PRELID2: variants seen among roughly 807,000 people sequenced by gnomAD.
PRELID2 encodes PRELI domain-containing protein 2.
Under a neutral mutation model 28.4 loss-of-function variants are expected in PRELID2, and 25 were observed. That is an observed-to-expected ratio of 0.88 (90% confidence interval 0.64 to 1.23). PRELID2 has a LOEUF of 1.23. Among genes scored for constraint, PRELID2 ranks in the 50% most tolerant of loss-of-function variants. PRELID2 has a pLI of 0.00. For synonymous variants in PRELID2, 76 were observed against 71.6 expected (o/e 1.06, Z -0.31); for missense variants, 201 against 214.4 (o/e 0.94, Z 0.39).
rs1471788872 is a variant in PRELID2 at position 145,821,152 on chromosome 5, G to GGGGTGTGTGTGTGTGT, written c.134-1135_134-1134insACACACACACACACCC. Among the ~76,000 whole-genome samples, 185 of 88,268 alleles carry GGGGTGTGTGTGTGTGT rather than the reference G, an allele frequency of 2.1e-3. 4 individuals are homozygous for GGGGTGTGTGTGTGTGT. The highest frequency in any genetic ancestry group is 6.5e-3 in the African/African-American group (163 of 25,034). The allele number at this position is 88,268 out of a possible 152,430, so 57.9% of individuals were successfully genotyped here. ...ACCTGATGGTCATCCAACTCTCCTG[G>GGGGTGTGTGTGTGTGT]GTGTGTGTGTGTGTGTGTGTGTGTG... On this transcript the variant is annotated intron_variant, in intron 2 of 6. Transcript: ENST00000683046.
At chr5:145,413,737 C>A in the PRELID2 span, among the ~76,000 whole-genome samples, 1 of 151,966 alleles carries the variant, frequency 6.6e-6, no homozygotes, top group African/African-American at 2.4e-5. Context: ...CACTATTCTA[C>A]TCTCTTCTTC....
chr5:145,740,287 TATATATA>T lies in PRELID2; in HGVS notation n.70+24637_70+24643del, dbSNP rs1390362670. Among the ~76,000 whole-genome samples the T allele has an allele frequency of 3.7e-4, 29 of 78,062 alleles. 4 individuals carry two copies. Among genetic ancestry groups the T allele is most frequent in the Admixed American group, 3.5e-3 (29 of 8,390 alleles). 51.2% of individuals were successfully genotyped at this position (78,062 alleles called of 152,430 possible). On this transcript the variant is annotated intron_variant and non_coding_transcript_variant, in intron 1 of 2. Coordinates refer to the PRELID2 transcript ENST00000510259. Reference sequence around the variant, plus strand: ...TCAAATATATATATATATATATATATATATATATATATATATATATATATATATATAT... The same window carrying T: ...TCAAATATATATATATATATATATATTATATATATATATATATATATATAT...
intron 1 of PRELID2, chr5:145,826,314 A>G (rs10477287): frequency 0.02 from 6,621 of 330,102 alleles, 445 homozygotes; most frequent in African/African-American, 0.14. Flanking sequence ...AGAGACTCTC[A>G]TGAAAGCAAT....
chr5:145,751,364 C>T (rs2149751580), downstream of PRELID2, among the ~76,000 whole-genome samples: 1 of 152,312 alleles, frequency 6.6e-6, no homozygotes, highest in South Asian at 2.1e-4. Context: ...CACGGCTTCT[C>T]TAACTTTTTC....
intron 1 of PRELID2, among the ~76,000 whole-genome samples, chr5:145,545,610 A>G (rs1486861240): frequency 6.6e-6 from 1 of 152,044 alleles, no homozygotes; most frequent in Admixed American, 6.6e-5. Context: ...ATCTAGCACC[A>G]TTTTTAAACA....
the PRELID2 span, among the ~76,000 whole-genome samples, chr5:145,345,542 C>G: frequency 3.9e-5 from 6 of 151,996 alleles, no homozygotes; most frequent in Non-Finnish European, 2.9e-5. Context: ...CCACAGCAAG[C>G]CTTTCTCATC....
the PRELID2 span, among the ~76,000 whole-genome samples, chr5:145,249,872 G>A: frequency 2.0e-5 from 3 of 151,876 alleles, no homozygotes; most frequent in Non-Finnish European, 4.4e-5. Flanking sequence ...GGCAATAGGG[G>A]AGTGGGAGGG....
chr5:145,802,559 A>G (rs959834092), intron 4 of PRELID2, among the ~76,000 whole-genome samples: 1 of 152,220 alleles, frequency 6.6e-6, no homozygotes, highest in East Asian at 1.9e-4. Context: ...TACTTGTGTC[A>G]TGGAAAATGA....
chr5:145,458,600 G>T, the PRELID2 span, among the ~76,000 whole-genome samples: 2 of 152,130 alleles, frequency 1.3e-5, no homozygotes, highest in Non-Finnish European at 2.9e-5. Context: ...AACCATGGAT[G>T]CTGTATATGT....
chr5:145,340,200 C>A, the PRELID2 span, among the ~76,000 whole-genome samples: 1 of 152,306 alleles, frequency 6.6e-6, no homozygotes, highest in South Asian at 2.1e-4. Context: ...AGTCTACCAC[C>A]ATTGGCACCT....
chr5:145,364,923 G>T, the PRELID2 span, among the ~76,000 whole-genome samples: 1 of 152,056 alleles, frequency 6.6e-6, no homozygotes, highest in East Asian at 1.9e-4. Context: ...CCTTCCAGTG[G>T]TAAATAAATA....
chr5:145,507,960 C>T (rs1053373108), intron 1 of PRELID2, among the ~76,000 whole-genome samples: 2 of 151,986 alleles, frequency 1.3e-5, no homozygotes, highest in Non-Finnish European at 2.9e-5. Context: ...TAACAACTCA[C>T]CCTAATGTTA....
chr5:145,564,239 T>G (rs558722076), intron 1 of PRELID2, among the ~76,000 whole-genome samples: 1 of 152,310 alleles, frequency 6.6e-6, no homozygotes, highest in Admixed American at 6.5e-5. Flanking sequence ...TCAGCAAACA[T>G]CCAATGGCTT....
chr5:145,394,505 C>G, the PRELID2 span, among the ~76,000 whole-genome samples: 1 of 151,882 alleles, frequency 6.6e-6, no homozygotes, highest in Admixed American at 6.6e-5. Flanking sequence ...ATGGGTGCAG[C>G]ACACCAACAT....
the PRELID2 span, among the ~76,000 whole-genome samples, chr5:145,422,399 T>C: frequency 3.3e-5 from 5 of 152,194 alleles, no homozygotes; most frequent in African/African-American, 9.7e-5. Context: ...AGGACTTGCT[T>C]TGTGAATCTT....
chr5:145,501,496 G>T (rs1374517910), intron 1 of PRELID2, among the ~76,000 whole-genome samples: 1 of 152,044 alleles, frequency 6.6e-6, no homozygotes, highest in Non-Finnish European at 1.5e-5. Context: ...TGAATCATGT[G>T]GGCAGTTTCC....
At chr5:145,362,782 T>G in the PRELID2 span, among the ~76,000 whole-genome samples, 1 of 152,114 alleles carries the variant, frequency 6.6e-6, no homozygotes, top group South Asian at 2.1e-4. Flanking sequence ...CAAAAACTTT[T>G]AGAAGTGCTC....
chr5:145,740,833 T>C (rs1338972843), intron 1 of PRELID2, among the ~76,000 whole-genome samples: 4 of 114,010 alleles, frequency 3.5e-5, no homozygotes, highest in African/African-American at 1.4e-4. Context: ...TACAAATATA[T>C]ATTTATCGAT....
chr5:145,264,055 A>AACCCT, the PRELID2 span, among the ~76,000 whole-genome samples: 1 of 152,170 alleles, frequency 6.6e-6, no homozygotes, highest in Non-Finnish European at 1.5e-5. Context: ...CTCACAGCTG[A>AACCCT]ACTCTATCAG....
Sources: allele counts gnomAD v4.1 joint callset (sites outside exome capture counted in the v4.1 genomes callset), GRCh38; gene constraint gnomAD v4.1.1; transcripts MANE v1.5; gene names NCBI Gene and HGNC (gene_info 2026-07-23, HGNC 2026-07-21).